Variants in EML6 observed in about 807,000 individuals in gnomAD.
EML6 encodes the protein EMAP like 6, also known as echinoderm microtubule-associated protein-like 6.
A neutral mutation model predicts 240.1 loss-of-function variants in EML6; 154 were observed. That is an observed-to-expected ratio of 0.64 (90% CI 0.56 to 0.73). The LOEUF is 0.73. Ranked by LOEUF, EML6 falls within the 30% of genes least tolerant of loss-of-function variation. The pLI is 0.00. For synonymous variants in EML6, 1,148 were observed against 899.0 expected (o/e 1.28, Z -4.95); for missense variants, 2,964 against 2,474.6 (o/e 1.20, Z -4.20).
chr2:54,879,285 C>T (rs185106110), intron 16 of EML6, among the ~76,000 whole-genome samples: 69 of 152,302 alleles, frequency 4.5e-4, no homozygotes, highest in African/African-American at 1.5e-3. Context: ...TCGGCTATCT[C>T]TAGTCATGCA....
chr2:54,832,461 G>A (rs1317594953), intron 7 of EML6, among the ~76,000 whole-genome samples: 1 of 152,204 alleles, frequency 6.6e-6, no homozygotes, highest in Middle Eastern at 3.2e-3. Context: ...CTGTGATGGG[G>A]CAGCCTCTCC....
chr2:54,885,339 C>G (rs991162150), intron 17 of EML6, among the ~76,000 whole-genome samples: 1 of 150,758 alleles, frequency 6.6e-6, no homozygotes. Context: ...CCCACCTACT[C>G]AGGAGGCTGA....
intron 32 of EML6, among the ~76,000 whole-genome samples, chr2:54,956,439 C>T (rs909833642): frequency 6.6e-6 from 1 of 152,172 alleles, no homozygotes; most frequent in African/African-American, 2.4e-5. Context: ...CCTTATAGAT[C>T]TCTAATGTTA....
chr2:54,914,821 T>G (rs1673825181), intron 25 of EML6, among the ~76,000 whole-genome samples: 1 of 152,078 alleles, frequency 6.6e-6, no homozygotes, highest in Non-Finnish European at 1.5e-5. Context: ...GGTAAACTAA[T>G]AAAAAGCTTA....
chr2:54,788,626 C>T (rs951709305), intron 2 of EML6, among the ~76,000 whole-genome samples: 3 of 152,168 alleles, frequency 2.0e-5, no homozygotes, highest in Non-Finnish European at 2.9e-5. Context: ...AACAAGATTT[C>T]GCCAAAATAA....
chr2:54,821,738 G>GCA, intron 5 of EML6, among the ~76,000 whole-genome samples: 1 of 151,980 alleles, frequency 6.6e-6, no homozygotes, highest in South Asian at 2.1e-4. Flanking sequence ...GAGTATAATA[G>GCA]CATCTCTAAC....
chr2:54,802,618 ATACTACTACTACTACTACTACTAC>A (rs56119525), intron 2 of EML6, among the ~76,000 whole-genome samples: 25 of 139,946 alleles, frequency 1.8e-4, no homozygotes, highest in Non-Finnish European at 2.9e-4. Flanking sequence ...ACCCTGTCTC[ATACTACTACTACTACTACTACTAC>A]TACTACTACT....
chr2:54,871,442 C>A, intron 15 of EML6, 58 bp from the exon 16 acceptor site: 1 of 1,359,988 alleles, frequency 7.4e-7, no homozygotes, highest in Non-Finnish European at 1.0e-6. Flanking sequence ...CTCTAAGGAA[C>A]AAAATCATTG....
At chr2:54,809,867 T>C (rs1006481720) in intron 2 of EML6, among the ~76,000 whole-genome samples, 1 of 152,290 alleles carries the variant, frequency 6.6e-6, no homozygotes, top group East Asian at 1.9e-4. Context: ...GGCTGTGCCC[T>C]GGATGAGACA....
At chr2:54,894,147 A>G (rs546663212) in intron 19 of EML6, among the ~76,000 whole-genome samples, 1 of 152,136 alleles carries the variant, frequency 6.6e-6, no homozygotes, top group South Asian at 2.1e-4. Flanking sequence ...ACTTCATAAA[A>G]ATGCATTAAA....
intron 2 of EML6, among the ~76,000 whole-genome samples, chr2:54,743,420 G>A (rs1683752829): frequency 6.6e-6 from 1 of 152,184 alleles, no homozygotes; most frequent in South Asian, 2.1e-4. Context: ...GTTATTCAAG[G>A]ACCTGCTGTA....
intron 36 of EML6, 113 bp downstream of exon 36, chr2:54,962,824 T>G: frequency 1.3e-6 from 1 of 789,688 alleles, no homozygotes; most frequent in Non-Finnish European, 1.8e-6. Context: ...TGGGGCCAGG[T>G]AGGAGATCGA....
chr2:54,970,368 G>A lies in EML6; in HGVS notation c.*273G>A, dbSNP rs1346187615. 2 of 422,826 alleles carry A rather than the reference G, an allele frequency of 4.7e-6. No homozygotes were observed. Among genetic ancestry groups the A allele is most frequent in the African/African-American group, 2.0e-5 (1 of 51,180 alleles). The allele number at this position is 422,826 out of a possible 1,614,324, so 26.2% of individuals were successfully genotyped here. ...AAACAGTATACATACTAACTACATT[G>A]ACAAAGAAATCCTATCTGATAATGT... On this transcript the variant is annotated 3_prime_UTR_variant, in exon 42 of 42. Transcript: ENST00000356458.
At chr2:54,836,650 G>A (rs1032466231) in intron 7 of EML6, among the ~76,000 whole-genome samples, 10 of 152,098 alleles carry the variant, frequency 6.6e-5, no homozygotes, top group Admixed American at 3.9e-4. Flanking sequence ...CTCCCCTGGG[G>A]GTCCCCTGGC....
At chr2:54,948,855 G>A in intron 28 of EML6, 27 bp from the exon 29 acceptor site, 1 of 1,538,624 alleles carries the variant, frequency 6.5e-7, no homozygotes, top group South Asian at 1.2e-5. Context: ...TCAATGCTGT[G>A]CTTCCTCTGG....
At chr2:54,753,847 AT>A (rs1390505695) in intron 2 of EML6, among the ~76,000 whole-genome samples, 2 of 151,656 alleles carry the variant, frequency 1.3e-5, no homozygotes, top group African/African-American at 4.9e-5. Flanking sequence ...AATTAAAAAA[AT>A]TTTTTTGGCT....
At chr2:54,831,071 T>A (rs1668845476) in intron 7 of EML6, among the ~76,000 whole-genome samples, 1 of 152,008 alleles carries the variant, frequency 6.6e-6, no homozygotes, top group African/African-American at 2.4e-5. Context: ...GTAAGAGCAA[T>A]TTTTTTTAAG....
At chr2:54,884,342 C>G (rs767656818) in intron 17 of EML6, among the ~76,000 whole-genome samples, 1 of 152,194 alleles carries the variant, frequency 6.6e-6, no homozygotes, top group Non-Finnish European at 1.5e-5. Flanking sequence ...GTTCAGCTCT[C>G]TAGAAGTTCT....
At chr2:54,965,397 C>T (rs1035148522) in intron 38 of EML6, among the ~76,000 whole-genome samples, 2 of 152,164 alleles carry the variant, frequency 1.3e-5, no homozygotes, top group African/African-American at 4.8e-5. Flanking sequence ...AGACTGGTCC[C>T]GTAACCACCC....
Sources: gnomAD v4.1 joint callset for allele counts (sites outside exome capture counted in the v4.1 genomes callset) on GRCh38, gnomAD v4.1.1 for gene constraint, MANE v1.5 for transcripts, NCBI Gene and HGNC (gene_info 2026-07-23, HGNC 2026-07-21) for gene names.